MUSK: variants seen among roughly 807,000 people sequenced by gnomAD.
The protein encoded by MUSK is muscle associated receptor tyrosine kinase.
Under a neutral mutation model 88.7 loss-of-function variants are expected in MUSK, and 55 were observed. That is an observed-to-expected ratio of 0.62 (90% CI 0.50 to 0.78). The LOEUF (loss-of-function observed/expected upper bound fraction) is 0.78, where lower values mean the gene tolerates loss of function less well. MUSK is among the 30% of genes least tolerant of loss of function. MUSK has a pLI of 0.00. For synonymous variants in MUSK, 387 were observed against 391.9 expected, an observed-to-expected ratio of 0.99 and a Z score of 0.15; for missense variants, 1,015 against 1,074.3, an observed-to-expected ratio of 0.94 and a Z score of 0.77.
At chr9:110,673,672 T>C (rs2075989474) in intron 1 of MUSK, among the ~76,000 whole-genome samples, 2 of 152,172 alleles carry the variant, frequency 1.3e-5, no homozygotes, top group African/African-American at 2.4e-5. Flanking sequence ...ACATCTCCAG[T>C]GTGTCACCTC....
At chr9:110,678,661 A>G (rs1324787845) in intron 1 of MUSK, among the ~76,000 whole-genome samples, 1 of 152,078 alleles carries the variant, frequency 6.6e-6, no homozygotes, top group Non-Finnish European at 1.5e-5. Context: ...TCATCTTTAA[A>G]TATTCATTAC....
chr9:110,677,530 A>T (rs2131636048), intron 1 of MUSK, among the ~76,000 whole-genome samples: 1 of 151,658 alleles, frequency 6.6e-6, no homozygotes, highest in Admixed American at 6.6e-5. Context: ...TCTTTTCTAA[A>T]CTCTTCATTC....
At chr9:110,788,407 A>C (rs2077910594) in intron 14 of MUSK, among the ~76,000 whole-genome samples, 1 of 152,116 alleles carries the variant, frequency 6.6e-6, no homozygotes, top group African/African-American at 2.4e-5. Context: ...CGAGGCAGGC[A>C]GATCACTTGA....
chr9:110,754,928 A>G (rs1236185678), intron 7 of MUSK, among the ~76,000 whole-genome samples: 1 of 152,198 alleles, frequency 6.6e-6, no homozygotes, highest in Non-Finnish European at 1.5e-5. Context: ...ACTAAAATTT[A>G]AATTCTCTCT....
chr9:110,721,351 A>G (rs2076809139), intron 5 of MUSK, among the ~76,000 whole-genome samples: 1 of 152,104 alleles, frequency 6.6e-6, no homozygotes, highest in South Asian at 2.1e-4. Context: ...CTAAAGACTC[A>G]TCCAAAAAAC....
At chr9:110,724,482 G>A (rs186945769) in intron 5 of MUSK, among the ~76,000 whole-genome samples, 28 of 152,016 alleles carry the variant, frequency 1.8e-4, no homozygotes, top group Admixed American at 5.9e-4. Context: ...TCCAGACCCA[G>A]TCACTAAACC....
chr9:110,679,376 A>G (rs1187397596), intron 1 of MUSK, among the ~76,000 whole-genome samples: 2 of 151,738 alleles, frequency 1.3e-5, no homozygotes, highest in East Asian at 1.9e-4. Context: ...CATTTTTCTT[A>G]TATTACTATT....
At chr9:110,690,124 A>AAATATAGAAATATATAAATATATATT (rs1564219090) in intron 3 of MUSK, among the ~76,000 whole-genome samples, 1 of 94,706 alleles carries the variant, frequency 1.1e-5, no homozygotes, top group African/African-American at 4.4e-5. Context: ...TATATATTAT[A>AAATATAGAAATATATAAATATATATT]TAAGTATAAA....
rs1291378999 is a variant in MUSK at position 110,682,673 on chromosome 9, G to C, written c.80-1G>C. ...TCTTTTGATTTCTCCTTTCCTTTCA[G>C]CTCCTGTCATCACCACTCCTCTTGA... On this transcript the variant is annotated splice_acceptor_variant, in intron 1 of 14. Coordinates refer to ENST00000374448, the MANE Select transcript of MUSK (RefSeq NM_005592.4). LOFTEE classifies it high-confidence loss of function. The C allele has an allele frequency of 6.2e-7, 1 of 1,611,274 alleles. No homozygotes were observed. Among genetic ancestry groups the C allele is most frequent in the Non-Finnish European group, 8.5e-7 (1 of 1,178,354 alleles).
chr9:110,727,586 T>C, intron 5 of MUSK: 2 of 205,238 alleles, frequency 9.7e-6, no homozygotes, highest in Non-Finnish European at 2.1e-5. Context: ...TTGTCAACCT[T>C]GGCTAAGTTC....
chr9:110,756,542 A>T lies in MUSK; in HGVS notation c.914-5660A>T, dbSNP rs192389351. ...TTCTTTTTAGACAGTAATATTATTA[A>T]AAAAAAAAAAAGACAAAACAAATGC... On this transcript the variant is annotated intron_variant, in intron 7 of 14. Transcript: ENST00000374448. Among the ~76,000 whole-genome samples the T allele has an allele frequency of 1.8e-3, 266 of 147,066 alleles. 4 individuals carry two copies. The East Asian group carries it at 0.039, about 22-fold the overall frequency.
intron 5 of MUSK, among the ~76,000 whole-genome samples, chr9:110,724,383 T>G (rs1249786377): frequency 6.6e-6 from 1 of 152,030 alleles, no homozygotes; most frequent in Non-Finnish European, 1.5e-5. Context: ...TTCCAGTAAT[T>G]TTGGGGGTTG....
intron 11 of MUSK, among the ~76,000 whole-genome samples, chr9:110,784,605 C>T (rs577283049): frequency 3.4e-4 from 52 of 152,092 alleles, no homozygotes; most frequent in Non-Finnish European, 6.2e-4. Flanking sequence ...CCTATTTCCT[C>T]TCTCTGAGTC....
At chr9:110,681,061 A>ATAATATATTATTATATATAT (rs1554732387) in intron 1 of MUSK, among the ~76,000 whole-genome samples, 3 of 24,162 alleles carry the variant, frequency 1.2e-4, no homozygotes, top group Non-Finnish European at 2.2e-4. Context: ...TATATATTAT[A>ATAATATATTATTATATATAT]TATATAATAT....
chr9:110,672,454 G>T (rs1257427323), intron 1 of MUSK, among the ~76,000 whole-genome samples: 3 of 152,110 alleles, frequency 2.0e-5, no homozygotes, highest in Admixed American at 2.0e-4. Flanking sequence ...TGAACATAGG[G>T]TAGGGAGGAC....
intron 1 of MUSK, among the ~76,000 whole-genome samples, chr9:110,678,511 A>AAC (rs1554731877): frequency 1.3e-5 from 2 of 151,882 alleles, no homozygotes; most frequent in African/African-American, 2.4e-5. Context: ...TATCTGAAAA[A>AAC]CTTTGGGGCA....
intron 7 of MUSK, among the ~76,000 whole-genome samples, chr9:110,759,543 A>G (rs2077370794): frequency 6.6e-6 from 1 of 152,224 alleles, no homozygotes; most frequent in African/African-American, 2.4e-5. Context: ...GGCAACTTAC[A>G]GAGTGGAGAA....
Position 110,681,128 on chromosome 9 carries a change from ATATAT to A in MUSK, c.80-1541_80-1537del, listed in dbSNP as rs1224278658. ...ATATATTATATATAATATATATTAT[ATATAT>A]TATAAGGATCGTTATAATATATATT... On this transcript the variant is annotated intron_variant, in intron 1 of 14. Coordinates refer to ENST00000374448, the MANE Select transcript of MUSK (RefSeq NM_005592.4). 1.2e-3 allele frequency among the ~76,000 whole-genome samples: 93 copies of A among 74,852 alleles called. 5 individuals carry two copies. The highest frequency in any genetic ancestry group is 4.3e-3 in the African/African-American group (66 of 15,522). 49.1% of individuals were successfully genotyped at this position (74,852 alleles called of 152,430 possible).
At chr9:110,759,009 G>A (rs1335821662) in intron 7 of MUSK, among the ~76,000 whole-genome samples, 1 of 151,930 alleles carries the variant, frequency 6.6e-6, no homozygotes, top group East Asian at 1.9e-4. Context: ...ATCAAAAAAG[G>A]GCCCAAACAG....
Sources: gnomAD v4.1 joint callset for allele counts (sites outside exome capture counted in the v4.1 genomes callset) on GRCh38, gnomAD v4.1.1 for gene constraint, MANE v1.5 for transcripts, NCBI Gene and HGNC (gene_info 2026-07-23, HGNC 2026-07-21) for gene names.